The following EPB41L4A variants were observed in gnomAD, a reference collection of about 807,000 sequenced individuals.
EPB41L4A encodes erythrocyte membrane protein band 4.1 like 4A.
Under a neutral mutation model 108.6 loss-of-function variants are expected in EPB41L4A, and 100 were observed. The ratio of observed to expected loss-of-function variants is 0.92; its 90% CI spans 0.78 to 1.09. EPB41L4A has a LOEUF of 1.09. EPB41L4A is among the 50% of genes least tolerant of loss of function. The probability of loss-of-function intolerance (pLI) is 0.00; values close to 1 mark genes in which losing one functional copy is unlikely to be tolerated. For missense variants in EPB41L4A, 1,030 were observed against 842.7 expected (o/e 1.22, Z -2.75); for synonymous variants, 319 against 289.0 (o/e 1.10, Z -1.05).
At chr5:112,274,504 C>T (rs879634786) in intron 4 of EPB41L4A, among the ~76,000 whole-genome samples, 3 of 152,212 alleles carry the variant, frequency 2.0e-5, no homozygotes, top group Admixed American at 2.0e-4. Context: ...AAGTCTGAGA[C>T]AGATGAAAGC....
chr5:112,239,600 A>C, intron 11 of EPB41L4A, 60 bp downstream of exon 11: 5 of 1,037,462 alleles, frequency 4.8e-6, no homozygotes, highest in Non-Finnish European at 5.6e-6. Flanking sequence ...AGCATGTATG[A>C]CAGCTGAATT....
At chr5:112,391,587 G>C (rs1355465052) in intron 1 of EPB41L4A, among the ~76,000 whole-genome samples, 3 of 152,170 alleles carry the variant, frequency 2.0e-5, no homozygotes, top group Admixed American at 1.3e-4. Flanking sequence ...TATGTGAAAA[G>C]ACCAAATCTA....
intron 1 of EPB41L4A, among the ~76,000 whole-genome samples, chr5:112,346,508 C>T (rs1161958118): frequency 1.3e-5 from 2 of 152,026 alleles, no homozygotes; most frequent in Non-Finnish European, 2.9e-5. Flanking sequence ...AGGCATGAGC[C>T]ACTGCGCCCA....
intron 2 of EPB41L4A, among the ~76,000 whole-genome samples, chr5:112,302,305 A>C (rs1754417599): frequency 2.0e-5 from 3 of 152,198 alleles, no homozygotes; most frequent in Non-Finnish European, 4.4e-5. Flanking sequence ...CAGGAGTTTG[A>C]AACCAGCCTA....
At chr5:112,404,508 A>T (rs1761967353) in intron 1 of EPB41L4A, among the ~76,000 whole-genome samples, 1 of 152,240 alleles carries the variant, frequency 6.6e-6, no homozygotes, top group Non-Finnish European at 1.5e-5. Flanking sequence ...GGATAATATT[A>T]GCATCAGTTT....
In EPB41L4A at chr5:112,218,860, T is replaced by A. The variant is rs374367462; in HGVS notation, c.1088-8878A>T. On this transcript the variant is annotated intron_variant, in intron 12 of 22. Coordinates refer to ENST00000261486, the MANE Select transcript of EPB41L4A (RefSeq NM_022140.5). ...AATGTACCTTGTGCTTGTTTCAAAATGATACCTAAAATTTTTCATGAAAAG... is the reference window on the plus strand; with the variant it reads ...AATGTACCTTGTGCTTGTTTCAAAAAGATACCTAAAATTTTTCATGAAAAG... Among the ~76,000 whole-genome samples, 6 of 152,192 alleles carry A rather than the reference T, an allele frequency of 3.9e-5. No homozygotes were observed. In the East Asian group the frequency reaches 9.6e-4, roughly 24 times the overall value.
At chr5:112,268,199 C>T (rs1751999584) in intron 4 of EPB41L4A, among the ~76,000 whole-genome samples, 1 of 152,144 alleles carries the variant, frequency 6.6e-6, no homozygotes, top group Non-Finnish European at 1.5e-5. Flanking sequence ...CAGGCCAACA[C>T]AGTGAAACTC....
chr5:112,158,166 A>G (rs578159890), downstream of EPB41L4A, among the ~76,000 whole-genome samples: 15 of 152,346 alleles, frequency 9.8e-5, no homozygotes, highest in Non-Finnish European at 1.8e-4. Flanking sequence ...AGAAAAGAGG[A>G]AAGTGGGAGC....
At chr5:112,418,911 C>T (rs776136377) in intron 1 of EPB41L4A, 30 bp downstream of exon 1, 4 of 1,577,004 alleles carry the variant, frequency 2.5e-6, no homozygotes, top group East Asian at 4.5e-5. Flanking sequence ...CTGCCGCCAA[C>T]CCCCGGAACG....
chr5:112,213,247 T>TC (rs1406626577), intron 12 of EPB41L4A, among the ~76,000 whole-genome samples: 1 of 152,200 alleles, frequency 6.6e-6, no homozygotes, highest in East Asian at 1.9e-4. Flanking sequence ...ATATACCCAC[T>TC]GTAGACGAGA....
chr5:112,337,971 C>T (rs996087036), intron 1 of EPB41L4A, among the ~76,000 whole-genome samples: 1 of 152,044 alleles, frequency 6.6e-6, no homozygotes, highest in Non-Finnish European at 1.5e-5. Context: ...AAAGAGGACC[C>T]CATTTGTCTG....
intron 1 of EPB41L4A, among the ~76,000 whole-genome samples, chr5:112,405,306 C>T (rs1235651414): frequency 1.3e-5 from 2 of 152,138 alleles, no homozygotes; most frequent in African/African-American, 2.4e-5. Flanking sequence ...AGATGACTGA[C>T]GCCTCAGCCA....
intron 1 of EPB41L4A, among the ~76,000 whole-genome samples, chr5:112,337,746 T>C (rs1298391601): frequency 6.6e-6 from 1 of 152,046 alleles, no homozygotes; most frequent in Non-Finnish European, 1.5e-5. Context: ...ATCTGACCCA[T>C]ATTGTAAAAA....
intron 2 of EPB41L4A, among the ~76,000 whole-genome samples, chr5:112,288,785 C>A (rs770675422): frequency 1.3e-5 from 2 of 151,794 alleles, no homozygotes; most frequent in Non-Finnish European, 2.9e-5. Context: ...AAGGGTTAAA[C>A]TTCAGGGAAA....
intron 2 of EPB41L4A, among the ~76,000 whole-genome samples, chr5:112,305,900 G>A (rs1005194101): frequency 2.6e-5 from 4 of 152,018 alleles, no homozygotes; most frequent in African/African-American, 4.8e-5. Flanking sequence ...AAACCTTTAG[G>A]AGTAAAAGTA....
At chr5:112,318,361 C>A (rs1024744575) in intron 1 of EPB41L4A, among the ~76,000 whole-genome samples, 1 of 152,186 alleles carries the variant, frequency 6.6e-6, no homozygotes, top group Non-Finnish European at 1.5e-5. Context: ...ATTTTCAAGA[C>A]TAATTTAAAG....
chr5:112,198,848 CTAAA>C (rs1174309661), intron 15 of EPB41L4A, among the ~76,000 whole-genome samples: 1 of 135,986 alleles, frequency 7.4e-6, no homozygotes, highest in Non-Finnish European at 1.7e-5. Flanking sequence ...TTTCATCTTT[CTAAA>C]TAATTAGTTT....
At chr5:112,170,043 T>G (rs1760484892) in intron 20 of EPB41L4A, 1 of 416,154 alleles carries the variant, frequency 2.4e-6, no homozygotes, top group Non-Finnish European at 4.2e-6. Context: ...GAATTTATTT[T>G]AAAACTGACA....
At chr5:112,165,795 C>G (rs1423469023) in intron 22 of EPB41L4A, among the ~76,000 whole-genome samples, 1 of 152,160 alleles carries the variant, frequency 6.6e-6, no homozygotes, top group African/African-American at 2.4e-5. Context: ...ATGGGCTATA[C>G]CGTCCCAATC....
Sources: gnomAD v4.1 joint callset for allele counts (sites outside exome capture counted in the v4.1 genomes callset) on GRCh38, gnomAD v4.1.1 for gene constraint, MANE v1.5 for transcripts, NCBI Gene and HGNC (gene_info 2026-07-23, HGNC 2026-07-21) for gene names.